Variants in ZNF91 observed in about 807,000 individuals in gnomAD.
ZNF91 encodes zinc finger protein 91, also known as zinc finger protein 91 (HPF7, HTF10).
In ZNF91, 7 loss-of-function variants were observed where a neutral mutation model predicts 12.6. The ratio of observed to expected loss-of-function variants is 0.55; its 90% CI spans 0.31 to 1.04. ZNF91 has a LOEUF of 1.04. Among genes scored for constraint, ZNF91 ranks in the 50% least tolerant of loss-of-function variants. The pLI is 0.05. For synonymous variants in ZNF91, 453 were observed against 462.6 expected (o/e 0.98, Z 0.27); for missense variants, 1,217 against 1,385.4 (o/e 0.88, Z 1.93).
downstream of ZNF91, among the ~76,000 whole-genome samples, chr19:23,334,208 A>T (rs987820886): frequency 2.0e-5 from 3 of 152,208 alleles, no homozygotes; most frequent in African/African-American, 7.2e-5. Flanking sequence ...ACAGGGTAGG[A>T]CAAGAAGTAG....
chr19:23,321,623 C>T (rs546527650), intron 1 of ZNF91, among the ~76,000 whole-genome samples: 9 of 152,126 alleles, frequency 5.9e-5, no homozygotes, highest in Admixed American at 5.2e-4. Flanking sequence ...ACTCATTTGC[C>T]TTGGCCCTGT....
At chr19:23,362,814 C>A in intron 3 of ZNF91, 89 bp from the exon 4 acceptor site, 11 of 1,298,798 alleles carry the variant, frequency 8.5e-6, no homozygotes, top group Non-Finnish European at 1.1e-5. Context: ...CAAAATTATA[C>A]AAACTACATA....
Position 23,395,413 on chromosome 19 carries a change from G to T in ZNF91, c.-59C>A. On this transcript the variant is annotated 5_prime_UTR_variant, in exon 1 of 4. Coordinates refer to ENST00000300619, the MANE Select transcript of ZNF91 (RefSeq NM_003430.4). Reference sequence around the variant, plus strand: ...AGGGCCACACAGGCTGGGCCTCCTGGAGCAGAGGACACAGAGCAGTGAAGT... The same window carrying T: ...AGGGCCACACAGGCTGGGCCTCCTGTAGCAGAGGACACAGAGCAGTGAAGT... 2 of 1,601,832 alleles carry T rather than the reference G, an allele frequency of 1.2e-6. No homozygotes were observed. The highest frequency in any genetic ancestry group is 1.1e-5 in the South Asian group (1 of 90,608).
chr19:23,320,342 A>G (rs1304086307), intron 1 of ZNF91, among the ~76,000 whole-genome samples: 1 of 152,192 alleles, frequency 6.6e-6, no homozygotes, highest in Non-Finnish European at 1.5e-5. Context: ...GCAGATTGCA[A>G]TTCTCATGCA....
At chr19:23,365,412 C>T (rs566499649) in intron 3 of ZNF91, among the ~76,000 whole-genome samples, 19 of 151,878 alleles carry the variant, frequency 1.3e-4, no homozygotes, top group African/African-American at 4.6e-4. Context: ...TTCAGATCAG[C>T]CTGAGTAATG....
At chr19:23,341,094 A>G (rs1427889904) in intron 3 of ZNF91, among the ~76,000 whole-genome samples, 2 of 147,104 alleles carry the variant, frequency 1.4e-5, no homozygotes, top group East Asian at 4.1e-4. Flanking sequence ...TTAGTTGTCC[A>G]GGCTGGAGTG....
At chr19:23,327,779 C>T (rs1474502970) in intron 1 of ZNF91, 2 of 152,090 alleles carry the variant, frequency 1.3e-5, no homozygotes, top group Non-Finnish European at 2.9e-5. Flanking sequence ...ACAACCCGAA[C>T]AGGTTTTCTG....
chr19:23,321,564 C>T (rs972850405), intron 1 of ZNF91, among the ~76,000 whole-genome samples: 4 of 152,012 alleles, frequency 2.6e-5, no homozygotes, highest in Non-Finnish European at 5.9e-5. Flanking sequence ...CTAGGTTCTG[C>T]CCACAGGGGA....
downstream of ZNF91, among the ~76,000 whole-genome samples, chr19:23,356,612 T>C (rs1968493111): frequency 6.6e-6 from 1 of 152,110 alleles, no homozygotes; most frequent in Non-Finnish European, 1.5e-5. Flanking sequence ...AGGGATAAAA[T>C]ACAGCATATA....
At position 23,359,460 on chromosome 19, in the gene ZNF91, T is replaced by C. The variant is rs757323327; in HGVS notation, c.3519A>G (p.Ser1173=). The C allele has an allele frequency of 1.9e-5, 29 of 1,558,294 alleles. No homozygotes were observed. Among genetic ancestry groups the C allele is most frequent in the Non-Finnish European group, 1.5e-5 (17 of 1,131,406 alleles). ...PLLWEAEAGG[S]RGQEMETILA... ...GGATGGTCTCCATCTCCTGACCTCG[T>C]GATCCGCCCGCCTCGGCCTCCCAAA... is the stretch of plus-strand genomic sequence containing the variant. Residue 1173 remains serine, a synonymous_variant, in exon 4 of 4, where the codon TCA becomes TCG. Coordinates refer to ENST00000300619, the MANE Select transcript of ZNF91 (RefSeq NM_003430.4).
At chr19:23,387,410 A>G (rs558707666) in intron 1 of ZNF91, among the ~76,000 whole-genome samples, 59 of 152,338 alleles carry the variant, frequency 3.9e-4, no homozygotes, top group Non-Finnish European at 4.1e-4. Flanking sequence ...TATCAATGGT[A>G]GACTGAATAA....
At chr19:23,330,705 A>T (rs896342972) in intron 1 of ZNF91, among the ~76,000 whole-genome samples, 18 of 152,226 alleles carry the variant, frequency 1.2e-4, no homozygotes, top group African/African-American at 4.3e-4. Flanking sequence ...ATAATACTTT[A>T]AAAAGCCCTC....
At chr19:23,379,012 ATTTCT>A (rs1243047422) in intron 1 of ZNF91, among the ~76,000 whole-genome samples, 1 of 152,210 alleles carries the variant, frequency 6.6e-6, no homozygotes, top group East Asian at 1.9e-4. Context: ...AGGATGACTC[ATTTCT>A]TTTACACTAA....
At chr19:23,335,710 A>G (rs1229029463), downstream of ZNF91, among the ~76,000 whole-genome samples, 1 of 152,084 alleles carries the variant, frequency 6.6e-6, no homozygotes, top group Non-Finnish European at 1.5e-5. Context: ...CCAATTTTCC[A>G]AGTACCATCT....
At chr19:23,380,823 A>G (rs1969689111) in intron 1 of ZNF91, 1 of 152,210 alleles carries the variant, frequency 6.6e-6, no homozygotes, top group African/African-American at 2.4e-5. Flanking sequence ...GCTGCCCATT[A>G]AATGTGGAAT....
chr19:23,329,478 G>A (rs295408), intron 1 of ZNF91, among the ~76,000 whole-genome samples: 44,455 of 151,980 alleles, frequency 0.29, 6,858 homozygotes, highest in East Asian at 0.39. Context: ...TCTTAGAGAT[G>A]TATCAATATT....
In ZNF91 at chr19:23,322,712, TCTC is replaced by T. The variant is rs930208890; in HGVS notation, n.117-13618_117-13616del. Among the ~76,000 whole-genome samples, 255 of 141,742 alleles carry T rather than the reference TCTC, an allele frequency of 1.8e-3. 4 individuals are homozygous for T. The highest frequency in any genetic ancestry group is 6.6e-3 in the African/African-American group (247 of 37,146). 93.0% of individuals were successfully genotyped at this position (141,742 alleles called of 152,430 possible). ...CTTTTCGTCTTCTCCTCCTCACTTT[TCTC>T]CTCCTCTCCTCATCTCTTCTTCCTC... On this transcript the variant is annotated intron_variant and non_coding_transcript_variant, in intron 1 of 1. Coordinates refer to the ZNF91 transcript ENST00000596528.
At chr19:23,314,132 G>A (rs146665972), upstream of ZNF91, among the ~76,000 whole-genome samples, 216 of 152,148 alleles carry the variant, frequency 1.4e-3, no homozygotes, top group African/African-American at 5.0e-3. Context: ...CTTTTGTCTT[G>A]GCATTGCCCA....
chr19:23,380,011 C>G (rs1969643326), intron 1 of ZNF91, among the ~76,000 whole-genome samples: 1 of 152,014 alleles, frequency 6.6e-6, no homozygotes, highest in Non-Finnish European at 1.5e-5. Flanking sequence ...AATCCCAGCA[C>G]TTTAGGAGGT....
Sources: allele counts gnomAD v4.1 joint callset (sites outside exome capture counted in the v4.1 genomes callset), GRCh38; gene constraint gnomAD v4.1.1; transcripts MANE v1.5; gene names NCBI Gene and HGNC (gene_info 2026-07-23, HGNC 2026-07-21).